Variants in SLC9A5 observed in about 807,000 individuals in gnomAD.
The protein encoded by SLC9A5 is solute carrier family 9 member A5, also known as sodium/hydrogen exchanger 5.
SLC9A5 carries 52 observed loss-of-function variants against 91.7 expected under a neutral mutation model. The observed-to-expected ratio is 0.57, with a 90% confidence interval of 0.45 to 0.71. The LOEUF (loss-of-function observed/expected upper bound fraction) is 0.71, where lower values mean the gene tolerates loss of function less well. SLC9A5 is among the 30% of genes least tolerant of loss of function. SLC9A5 has a pLI of 0.00. For synonymous variants in SLC9A5, 419 were observed against 474.5 expected, an observed-to-expected ratio of 0.88 and a Z score of 1.52; for missense variants, 871 against 1,158.9, an observed-to-expected ratio of 0.75 and a Z score of 3.61.
At chr16:67,259,512 C>G in intron 10 of SLC9A5, 61 bp from the exon 11 acceptor site, 1 of 1,182,186 alleles carries the variant, frequency 8.5e-7, no homozygotes. Flanking sequence ...TCTTTATTAC[C>G]CCTGACTCCT....
intron 2 of SLC9A5, among the ~76,000 whole-genome samples, chr16:67,254,678 A>G (rs979436375): frequency 6.6e-6 from 1 of 152,244 alleles, no homozygotes; most frequent in Non-Finnish European, 1.5e-5. Context: ...GATTACAGGC[A>G]TGAGTCACTG....
chr16:67,269,277 A>G (rs1021500109), intron 15 of SLC9A5, among the ~76,000 whole-genome samples: 12 of 151,970 alleles, frequency 7.9e-5, no homozygotes. Flanking sequence ...TACGAAAAAA[A>G]AAAAATTAGC....
At position 67,257,449 on chromosome 16, in the gene SLC9A5, C is replaced by G; in HGVS notation, c.1425+15C>G. Reference sequence around the variant, plus strand: ...TGCATGAACACGTGGGTATCAGAACCCCAGCCCTCGCCTGTCCCTCTCGAC... The same window carrying G: ...TGCATGAACACGTGGGTATCAGAACGCCAGCCCTCGCCTGTCCCTCTCGAC... On this transcript the variant is annotated intron_variant, in intron 8 of 15. Coordinates refer to ENST00000299798, the MANE Select transcript of SLC9A5 (RefSeq NM_004594.3). This position sits in a 1 kb window ranked among gnomAD's most constrained non-coding sequence, Gnocchi z 5.1. 6.2e-7 allele frequency: 1 copy of G among 1,613,850 alleles called. No individual in the cohort carries two copies. Among genetic ancestry groups the G allele is most frequent in the Non-Finnish European group, 8.5e-7 (1 of 1,179,726 alleles).
At chr16:67,262,135 T>C (rs546109365) in intron 12 of SLC9A5, 72 of 378,440 alleles carry the variant, frequency 1.9e-4, no homozygotes, top group African/African-American at 1.5e-3. Flanking sequence ...GTCTCCTTCT[T>C]AGATTCATAT....
chr16:67,256,592 G>C lies in SLC9A5; in HGVS notation c.1035G>C (p.Met345Ile). The change falls in exon 6 of 16, where the codon ATG becomes ATC. Residue 345 changes from methionine to isoleucine, a missense_variant. Physicochemically the swap from Met to Ile is conservative, Grantham distance 10. This residue lies in a region of SLC9A5 where 454 missense variants were observed against 718.3 expected (regional missense o/e 0.63). Transcript: ENST00000299798. The surrounding 1 kb of genome is among the most constrained non-coding windows in gnomAD (Gnocchi z 4.1). Reference sequence around the variant, plus strand: ...GCTGTGCTGAGACCGTGATCTTCATGCTGCTTGGCATCTCAGCCGTGGACT... The same window carrying C: ...GCTGTGCTGAGACCGTGATCTTCATCCTGCTTGGCATCTCAGCCGTGGACT... ...LASCAETVIFMLLGISAVDSS... is the reference protein window; with the variant it reads ...LASCAETVIFILLGISAVDSS... 1 of 1,614,126 alleles carries C rather than the reference G, an allele frequency of 6.2e-7. No homozygotes were observed. The highest frequency in any genetic ancestry group is 8.5e-7 in the Non-Finnish European group (1 of 1,179,996).
rs770543212 is a variant in SLC9A5, at chr16:67,270,841, C to T, written c.2322C>T (p.Tyr774=). Residue 774 remains tyrosine, a synonymous_variant, in exon 16 of 16, where the codon TAC becomes TAT. Transcript: ENST00000299798. The surrounding 1 kb of genome is among the most constrained non-coding windows in gnomAD (Gnocchi z 4.3). ...GTGGGCAGGGGGACCTGGCAGTGTA[C>T]GTGTCCTCGGAAACCACCAAGATTG... ...WKSGQGDLAV[Y]VSSETTKIVP... 3.8e-5 allele frequency: 61 copies of T among 1,614,038 alleles called. No individual in the cohort carries two copies. The Middle Eastern group carries it at 1.6e-3, about 44-fold the overall frequency.
Position 67,257,522 on chromosome 16 carries a change from C to G in SLC9A5, c.1426-9C>G. On this transcript the variant is annotated splice_polypyrimidine_tract_variant and intron_variant, in intron 8 of 15. Coordinates refer to ENST00000299798, the MANE Select transcript of SLC9A5 (RefSeq NM_004594.3). This position sits in a 1 kb window ranked among gnomAD's most constrained non-coding sequence, Gnocchi z 5.1. ...CCTGATCCAGTCCCCCTACCCACCC[C>G]CCTTCTAGACTTTTGACCACATTCT... 1 of 1,614,170 alleles carries G rather than the reference C, an allele frequency of 6.2e-7. No homozygotes were observed. The highest frequency in any genetic ancestry group is 1.1e-5 in the South Asian group (1 of 91,082).
chr16:67,260,786 A>C (rs544201103), intron 12 of SLC9A5, among the ~76,000 whole-genome samples: 4 of 152,220 alleles, frequency 2.6e-5, no homozygotes, highest in African/African-American at 9.6e-5. Flanking sequence ...AATGCAGATC[A>C]TGAAGCTTTG....
At position 67,252,520 on chromosome 16, in the gene SLC9A5, C is replaced by G. The variant is rs1296354554; in HGVS notation, c.188-22C>G. The G allele has an allele frequency of 6.3e-7, 1 of 1,599,024 alleles. No individual in the cohort carries two copies. Among genetic ancestry groups the G allele is most frequent in the Non-Finnish European group, 8.5e-7 (1 of 1,172,134 alleles). On this transcript the variant is annotated intron_variant, in intron 1 of 15. Coordinates refer to ENST00000299798, the MANE Select transcript of SLC9A5 (RefSeq NM_004594.3). The surrounding 1 kb of genome is among the most constrained non-coding windows in gnomAD (Gnocchi z 4.0). ...AGGATATTCCATAAACTGATCCATC[C>G]TGCACTCTTTTTGCATTGCAGTGTT...
At chr16:67,265,378 G>A (rs2035665019) in intron 14 of SLC9A5, among the ~76,000 whole-genome samples, 1 of 152,176 alleles carries the variant, frequency 6.6e-6, no homozygotes, top group Non-Finnish European at 1.5e-5. Flanking sequence ...CTGGGCCTTG[G>A]AGGATGGGTG....
rs570050896 is a variant in SLC9A5, at chr16:67,262,726, A to C, written c.1843-1626A>C. ...GGGCGGGAGGAGGGCTAAGGATAAC[A>C]CTGAGGAGTGCGCATGGGAGAAAAG... On this transcript the variant is annotated intron_variant, in intron 12 of 15. Transcript: ENST00000299798. The C allele has an allele frequency of 2.2e-5, 4 of 181,196 alleles. No homozygotes were observed. The South Asian group carries it at 5.0e-4, about 22-fold the overall frequency. 11.2% of individuals were successfully genotyped at this position (181,196 alleles called of 1,614,324 possible). A position where few individuals can be genotyped will look rare whatever the true frequency, so the allele number is the denominator to read the frequency against.
rs2035904866 is a variant in SLC9A5, at chr16:67,271,066, C to G, written c.2547C>G (p.Gly849=). 6.2e-7 allele frequency: 1 copy of G among 1,611,456 alleles called. No individual in the cohort carries two copies. Among genetic ancestry groups the G allele is most frequent in the African/African-American group, 1.3e-5 (1 of 74,882 alleles). Residue 849 remains glycine, a synonymous_variant, in exon 16 of 16, where the codon GGC becomes GGG. Transcript: ENST00000299798. ...FAFPPSLAKA[G]RSRSESSADL... ...TCCCACCGAGCCTGGCCAAGGCTGG[C>G]CGCTCTCGCAGTGAGAGCAGCGCTG...
intron 13 of SLC9A5, 94 bp downstream of exon 13, chr16:67,264,616 C>G (rs949295726): frequency 6.8e-6 from 9 of 1,318,554 alleles, no homozygotes; most frequent in South Asian, 2.5e-5. Context: ...TAGGGGGAAC[C>G]CCAGTTGGGA....
chr16:67,255,597 G>T lies in SLC9A5; in HGVS notation c.733+126G>T. The T allele has an allele frequency of 7.8e-7, 1 of 1,277,656 alleles. No homozygotes were observed. Among genetic ancestry groups the T allele is most frequent in the East Asian group, 2.5e-5 (1 of 40,440 alleles). The allele number at this position is 1,277,656 out of a possible 1,614,324, so 79.1% of individuals were successfully genotyped here. ...GCCTCATCTCCTCTATAGAGAAATGGGGTCTGGGAGGGGCTTGCCAGGGAT... is the reference window on the plus strand; with the variant it reads ...GCCTCATCTCCTCTATAGAGAAATGTGGTCTGGGAGGGGCTTGCCAGGGAT... On this transcript the variant is annotated intron_variant, in intron 4 of 15. Transcript: ENST00000299798. The surrounding 1 kb of genome is among the most constrained non-coding windows in gnomAD (Gnocchi z 4.9).
At position 67,270,360 on chromosome 16, in the gene SLC9A5, A is replaced by AT. The variant is rs1229405731; in HGVS notation, c.2219-373dup. 1.3e-5 allele frequency among the ~76,000 whole-genome samples: 2 copies of AT among 151,712 alleles called. No homozygotes were observed. The highest frequency in any genetic ancestry group is 6.6e-5 in the Admixed American group (1 of 15,224). ...GCCACTGTGCTTGGCTAATTTTTGT[A>AT]TTTTTAGTAGAGACAGGGTTTCATC... On this transcript the variant is annotated intron_variant, in intron 15 of 15. Transcript: ENST00000299798. The surrounding 1 kb of genome is among the most constrained non-coding windows in gnomAD (Gnocchi z 4.3).
chr16:67,267,771 G>C (rs1216836308), intron 15 of SLC9A5, among the ~76,000 whole-genome samples: 1 of 152,074 alleles, frequency 6.6e-6, no homozygotes. Flanking sequence ...CTGGTGGTTG[G>C]CACCCTCAAG....
In SLC9A5 at chr16:67,264,414, G is replaced by A. The variant is rs747012862; in HGVS notation, c.1905G>A (p.Glu635=). ...SEDAQERQDK[E]VFQQNMKRRL... The stretch of plus-strand genomic sequence containing the variant: ...ATGCGCAGGAGCGGCAGGACAAGGA[G>A]GTCTTCCAGCAGAACATGAAGCGGC... Residue 635 remains glutamate, a synonymous_variant, in exon 13 of 16, where the codon GAG becomes GAA. Transcript: ENST00000299798. 1.9e-6 allele frequency: 3 copies of A among 1,614,154 alleles called. No homozygotes were observed. The highest frequency in any genetic ancestry group is 2.5e-6 in the Non-Finnish European group (3 of 1,180,010).
In SLC9A5 at chr16:67,255,188, A is replaced by G. The variant is rs1567408355; in HGVS notation, c.654+4A>G. On this transcript the variant is annotated splice_donor_region_variant and intron_variant, in intron 3 of 15. Coordinates refer to ENST00000299798, the MANE Select transcript of SLC9A5 (RefSeq NM_004594.3). This position sits in a 1 kb window ranked among gnomAD's most constrained non-coding sequence, Gnocchi z 4.9. ...GCTCAACGATGCTGTCACCGTGGTG[A>G]GCGTGCTCAGCTGACTGCCATTCCC... The G allele has an allele frequency of 6.2e-7, 1 of 1,611,488 alleles. No homozygotes were observed. Among genetic ancestry groups the G allele is most frequent in the Non-Finnish European group, 8.5e-7 (1 of 1,178,236 alleles).
intron 15 of SLC9A5, among the ~76,000 whole-genome samples, chr16:67,269,384 A>T (rs2035845717): frequency 6.6e-6 from 1 of 152,150 alleles, no homozygotes; most frequent in African/African-American, 2.4e-5. Context: ...GTGAGCTGAG[A>T]TCGTGCCTCT....
Sources: allele counts gnomAD v4.1 joint callset (sites outside exome capture counted in the v4.1 genomes callset), GRCh38; gene constraint gnomAD v4.1.1; regional missense constraint gnomAD v4.1.1; non-coding constraint Gnocchi (gnomAD v3.1); transcripts MANE v1.5; gene names NCBI Gene and HGNC (gene_info 2026-07-23, HGNC 2026-07-21).